KCNH5: variants seen among roughly 807,000 people sequenced by gnomAD.
The protein encoded by KCNH5 is voltage-gated delayed rectifier potassium channel KCNH5.
KCNH5 carries 46 observed loss-of-function variants against 96.1 expected under a neutral mutation model. That is an observed-to-expected ratio of 0.48 (90% confidence interval 0.38 to 0.61). KCNH5 has a LOEUF of 0.61. Ranked by LOEUF, KCNH5 falls within the 20% of genes least tolerant of loss-of-function variation. The pLI is 0.00. For missense variants in KCNH5, 907 were observed against 1,225.8 expected (o/e 0.74, Z 3.88); for synonymous variants, 439 against 449.8 (o/e 0.98, Z 0.30).
chr14:62,963,557 C>CAAGAT (rs3999746), intron 6 of KCNH5, among the ~76,000 whole-genome samples: 61,135 of 151,440 alleles, frequency 0.4, 12,775 homozygotes, highest in African/African-American at 0.48. Context: ...AAAAGCAAGA[C>CAAGAT]GAGATGAGAT....
intron 10 of KCNH5, among the ~76,000 whole-genome samples, chr14:62,744,596 G>A (rs1885337600): frequency 6.6e-6 from 1 of 152,066 alleles, no homozygotes. Context: ...ACTAAATAAA[G>A]ACAAAAAGAA....
chr14:62,997,156 T>C (rs1403102188), intron 4 of KCNH5, among the ~76,000 whole-genome samples: 1 of 152,214 alleles, frequency 6.6e-6, no homozygotes, highest in African/African-American at 2.4e-5. Flanking sequence ...ATCCATCCTC[T>C]CAAGCATTTA....
chr14:62,848,665 C>G (rs923146295), intron 8 of KCNH5, among the ~76,000 whole-genome samples: 50 of 152,116 alleles, frequency 3.3e-4, no homozygotes, highest in African/African-American at 1.1e-3. Context: ...ATTCTCCTAA[C>G]TAAACATCTA....
At chr14:62,731,695 G>A (rs1252773243) in intron 10 of KCNH5, among the ~76,000 whole-genome samples, 2 of 152,186 alleles carry the variant, frequency 1.3e-5, no homozygotes, top group African/African-American at 4.8e-5. Flanking sequence ...TGCCACCATT[G>A]CCACAGGTTT....
At chr14:62,928,548 C>A (rs757494203) in intron 7 of KCNH5, among the ~76,000 whole-genome samples, 3 of 152,054 alleles carry the variant, frequency 2.0e-5, no homozygotes, top group Non-Finnish European at 4.4e-5. Context: ...AATATTACTA[C>A]CCCATTTTAC....
At chr14:62,954,943 AT>A (rs1277204676) in intron 6 of KCNH5, among the ~76,000 whole-genome samples, 5 of 152,166 alleles carry the variant, frequency 3.3e-5, no homozygotes, top group Non-Finnish European at 5.9e-5. Context: ...CGATTCAATT[AT>A]CTCCAACTGG....
chr14:62,992,127 A>G (rs1350880583), intron 4 of KCNH5, among the ~76,000 whole-genome samples: 4 of 151,964 alleles, frequency 2.6e-5, no homozygotes, highest in Non-Finnish European at 4.4e-5. Context: ...ACGGATTCCA[A>G]TTCCATCCAT....
chr14:62,950,524 C>T lies in KCNH5; in HGVS notation c.978G>A (p.Val326=), dbSNP rs1363063397. ...ISSLFSSLKV[V]RLLRLGRVAR... ...CCACACGGCCCAGTCGTAAGAGACGCACCACTTTTAAAGAACTGAAGAGAC... is the reference window on the plus strand; with the variant it reads ...CCACACGGCCCAGTCGTAAGAGACGTACCACTTTTAAAGAACTGAAGAGAC... Residue 326 remains valine (V), a synonymous_variant, in exon 7 of 11, where the codon GTG becomes GTA. Transcript: ENST00000322893. 6.2e-7 allele frequency: 1 copy of T among 1,600,768 alleles called. No homozygotes were observed. Among genetic ancestry groups the T allele is most frequent in the Non-Finnish European group, 8.5e-7 (1 of 1,178,422 alleles).
rs17100367 is a variant in KCNH5 at position 62,773,614 on chromosome 14, G to A, written c.2019+6114C>T. On this transcript the variant is annotated intron_variant, in intron 10 of 10. Transcript: ENST00000322893. Reference sequence around the variant, plus strand: ...TCAACAAAGTGTCTCATGAGAAGACGTATAGAAACAGCAAATAAAATTCCT... The same window carrying A: ...TCAACAAAGTGTCTCATGAGAAGACATATAGAAACAGCAAATAAAATTCCT... Among the ~76,000 whole-genome samples the A allele has an allele frequency of 4.1e-3, 629 of 152,280 alleles. 8 individuals carry two copies. Among genetic ancestry groups the A allele is most frequent in the African/African-American group, 0.014 (582 of 41,560 alleles).
intron 1 of KCNH5, among the ~76,000 whole-genome samples, chr14:63,037,970 T>A (rs756817959): frequency 2.0e-5 from 3 of 152,160 alleles, no homozygotes; most frequent in African/African-American, 2.4e-5. Context: ...TCTTGACAAC[T>A]GAAACAAAAA....
chr14:62,944,911 A>G (rs1483395535), intron 7 of KCNH5, among the ~76,000 whole-genome samples: 1 of 152,178 alleles, frequency 6.6e-6, no homozygotes, highest in Non-Finnish European at 1.5e-5. Flanking sequence ...TGGTATACAA[A>G]CAGAAAACTG....
intron 7 of KCNH5, among the ~76,000 whole-genome samples, chr14:62,864,625 G>C (rs1888099062): frequency 6.6e-6 from 1 of 152,192 alleles, no homozygotes; most frequent in South Asian, 2.1e-4. Context: ...GTAATTCTCT[G>C]TGATGGTAAC....
At chr14:62,728,390 GA>G (rs5809167) in intron 10 of KCNH5, among the ~76,000 whole-genome samples, 105,110 of 128,090 alleles carry the variant, frequency 0.82, 42,736 homozygotes, top group South Asian at 0.9. Context: ...CTGTCTCAAA[GA>G]AAAAAAAAAA....
chr14:62,894,967 C>G (rs1242033034), intron 7 of KCNH5, among the ~76,000 whole-genome samples: 1 of 152,156 alleles, frequency 6.6e-6, no homozygotes, highest in East Asian at 1.9e-4. Context: ...AATGATAACT[C>G]AGAAACAGAG....
intron 8 of KCNH5, among the ~76,000 whole-genome samples, chr14:62,849,200 G>C (rs1429232292): frequency 6.6e-6 from 1 of 152,134 alleles, no homozygotes; most frequent in Non-Finnish European, 1.5e-5. Context: ...TGAGACAGGA[G>C]AAATTTAGGT....
At chr14:62,888,769 C>A (rs1174600706) in intron 7 of KCNH5, among the ~76,000 whole-genome samples, 1 of 152,142 alleles carries the variant, frequency 6.6e-6, no homozygotes. Context: ...GCCTGTCACA[C>A]ATCTGCATAA....
intron 8 of KCNH5, among the ~76,000 whole-genome samples, chr14:62,846,753 C>A (rs970396102): frequency 9.8e-6 from 1 of 101,846 alleles, no homozygotes; most frequent in Non-Finnish European, 2.1e-5. Context: ...TGCTTCAAGT[C>A]TTTATTTATT....
At chr14:63,043,602 T>A (rs1411369953) in intron 1 of KCNH5, among the ~76,000 whole-genome samples, 1 of 152,216 alleles carries the variant, frequency 6.6e-6, no homozygotes, top group Non-Finnish European at 1.5e-5. Context: ...CTATTCGCTA[T>A]TTTTTCCGAC....
intron 6 of KCNH5, among the ~76,000 whole-genome samples, chr14:62,961,104 C>T (rs2139542037): frequency 6.6e-6 from 1 of 152,072 alleles, no homozygotes; most frequent in East Asian, 1.9e-4. Flanking sequence ...TGATTTTTTT[C>T]CAAACATTAT....
Sources: allele counts gnomAD v4.1 joint callset (sites outside exome capture counted in the v4.1 genomes callset), GRCh38; gene constraint gnomAD v4.1.1; transcripts MANE v1.5; gene names NCBI Gene and HGNC (gene_info 2026-07-23, HGNC 2026-07-21).